NTNG1: variants seen among roughly 807,000 people sequenced by gnomAD.
The protein encoded by NTNG1 is netrin-G1.
Under a neutral mutation model 54.0 loss-of-function variants are expected in NTNG1, and 16 were observed. That is an observed-to-expected ratio of 0.30 (90% CI 0.20 to 0.45). The LOEUF is 0.45. Among genes scored for constraint, NTNG1 ranks in the 20% least tolerant of loss-of-function variants. NTNG1 has a pLI of 1.00. For missense variants in NTNG1, 530 were observed against 678.7 expected (o/e 0.78, Z 2.43); for synonymous variants, 255 against 263.1 (o/e 0.97, Z 0.30).
chr1:107,473,562 A>G (rs1465219332), intron 7 of NTNG1, among the ~76,000 whole-genome samples: 1 of 152,204 alleles, frequency 6.6e-6, no homozygotes, highest in Non-Finnish European at 1.5e-5. Flanking sequence ...AGAAGAGGAA[A>G]TGTATGTGAC....
intron 2 of NTNG1, among the ~76,000 whole-genome samples, chr1:107,219,672 A>G (rs952062346): frequency 1.3e-5 from 2 of 151,992 alleles, no homozygotes; most frequent in African/African-American, 4.8e-5. Context: ...AACTGTAGTG[A>G]TTTAGCCACC....
chr1:107,471,521 C>G (rs1269086435), intron 7 of NTNG1, among the ~76,000 whole-genome samples: 1 of 152,158 alleles, frequency 6.6e-6, no homozygotes, highest in East Asian at 1.9e-4. Flanking sequence ...TCCAGCTCAG[C>G]CCCTCCCTGC....
intron 3 of NTNG1, among the ~76,000 whole-genome samples, chr1:107,351,332 A>G (rs1048274947): frequency 6.6e-6 from 1 of 152,204 alleles, no homozygotes; most frequent in Non-Finnish European, 1.5e-5. Flanking sequence ...ATTTATAAAG[A>G]AAAGATGTTC....
At chr1:107,278,106 C>T (rs1446596383) in intron 2 of NTNG1, among the ~76,000 whole-genome samples, 1 of 152,182 alleles carries the variant, frequency 6.6e-6, no homozygotes, top group Non-Finnish European at 1.5e-5. Context: ...TGGATATTTT[C>T]TCATGGGCTT....
In NTNG1 at chr1:107,356,873, C is replaced by T. The variant is rs543177454; in HGVS notation, c.887+31951C>T. ...TAAAAGTTAGCCGGGCATGTTGGCGCATACCTGTAATCCTAGCTACTCGGG... is the reference window on the plus strand; with the variant it reads ...TAAAAGTTAGCCGGGCATGTTGGCGTATACCTGTAATCCTAGCTACTCGGG... On this transcript the variant is annotated intron_variant, in intron 3 of 7. Coordinates refer to ENST00000370068, the MANE Select transcript of NTNG1 (RefSeq NM_001113226.3). Among the ~76,000 whole-genome samples the T allele has an allele frequency of 4.6e-5, 7 of 152,116 alleles. No individual in the cohort carries two copies. In the East Asian group the frequency reaches 1.4e-3, roughly 30 times the overall value.
intron 3 of NTNG1, among the ~76,000 whole-genome samples, chr1:107,325,386 T>G (rs1187953714): frequency 3.3e-5 from 5 of 152,124 alleles, no homozygotes; most frequent in Non-Finnish European, 7.4e-5. Context: ...TTCTTTAAAT[T>G]TATTAAATCA....
At chr1:107,176,906 G>A (rs59075886) in intron 2 of NTNG1, among the ~76,000 whole-genome samples, 145 of 152,096 alleles carry the variant, frequency 9.5e-4, no homozygotes, top group African/African-American at 3.3e-3. Context: ...CCTGTTATAG[G>A]TGGCTATCCT....
At chr1:107,289,513 A>G (rs1273938988) in intron 2 of NTNG1, among the ~76,000 whole-genome samples, 1 of 152,062 alleles carries the variant, frequency 6.6e-6, no homozygotes, top group African/African-American at 2.4e-5. Context: ...TGTCATTCCC[A>G]CCTCTCAACT....
intron 2 of NTNG1, among the ~76,000 whole-genome samples, chr1:107,251,104 A>T (rs186436720): frequency 7.9e-5 from 12 of 152,342 alleles, no homozygotes; most frequent in African/African-American, 2.6e-4. Flanking sequence ...AAATCATTCC[A>T]AATCACTGGG....
At chr1:107,467,708 G>C (rs1042190200) in intron 7 of NTNG1, among the ~76,000 whole-genome samples, 1 of 152,208 alleles carries the variant, frequency 6.6e-6, no homozygotes, top group Non-Finnish European at 1.5e-5. Context: ...ACAATAGTCA[G>C]CATCAACTTC....
At chr1:107,295,893 A>G (rs1665915914) in intron 2 of NTNG1, among the ~76,000 whole-genome samples, 2 of 152,154 alleles carry the variant, frequency 1.3e-5, no homozygotes, top group African/African-American at 4.8e-5. Context: ...TTTGTGCACT[A>G]TAATTTACTG....
chr1:107,394,555 C>G (rs139199818), intron 3 of NTNG1, among the ~76,000 whole-genome samples: 2 of 152,106 alleles, frequency 1.3e-5, no homozygotes, highest in Admixed American at 6.5e-5. Context: ...GTCTCACCCC[C>G]CTTCGGGTCT....
At chr1:107,254,215 T>C (rs1294800621) in intron 2 of NTNG1, among the ~76,000 whole-genome samples, 2 of 152,208 alleles carry the variant, frequency 1.3e-5, no homozygotes, top group Non-Finnish European at 2.9e-5. Context: ...AGAGTAGCCA[T>C]CAGATCTGTT....
intron 3 of NTNG1, among the ~76,000 whole-genome samples, chr1:107,393,339 C>T (rs1170499190): frequency 6.6e-6 from 1 of 152,068 alleles, no homozygotes; most frequent in Non-Finnish European, 1.5e-5. Context: ...GAAACACACC[C>T]ATAAATAAAG....
chr1:107,301,310 AC>A (rs542392678), intron 2 of NTNG1, among the ~76,000 whole-genome samples: 53 of 151,288 alleles, frequency 3.5e-4, no homozygotes, highest in South Asian at 6.3e-4. Context: ...TAAGAGTGGT[AC>A]TATAGGAGGC....
At chr1:107,343,544 C>T (rs1669041258) in intron 3 of NTNG1, among the ~76,000 whole-genome samples, 1 of 150,746 alleles carries the variant, frequency 6.6e-6, no homozygotes, top group South Asian at 2.1e-4. Flanking sequence ...CTACTTTTGG[C>T]TTTTACAGTA....
At chr1:107,193,859 T>C (rs1200598837) in intron 2 of NTNG1, among the ~76,000 whole-genome samples, 2 of 151,870 alleles carry the variant, frequency 1.3e-5, no homozygotes, top group Non-Finnish European at 2.9e-5. Context: ...TCCTTCTTCC[T>C]TTTGAGTGAG....
chr1:107,426,977 C>T (rs887490133), intron 5 of NTNG1, among the ~76,000 whole-genome samples: 3 of 151,796 alleles, frequency 2.0e-5, no homozygotes, highest in African/African-American at 7.3e-5. Flanking sequence ...ATTTGGTTTG[C>T]AGCTTGAATA....
At chr1:107,363,085 T>TTA (rs1670389498) in intron 3 of NTNG1, among the ~76,000 whole-genome samples, 3 of 152,224 alleles carry the variant, frequency 2.0e-5, no homozygotes, top group Non-Finnish European at 2.9e-5. Context: ...GCTGCTTCTT[T>TTA]TTAAAAGTTA....
Sources: gnomAD v4.1 joint callset for allele counts (sites outside exome capture counted in the v4.1 genomes callset) on GRCh38, gnomAD v4.1.1 for gene constraint, MANE v1.5 for transcripts, NCBI Gene and HGNC (gene_info 2026-07-23, HGNC 2026-07-21) for gene names.